Variants in PHYHD1 observed in about 807,000 individuals in gnomAD.
PHYHD1 encodes the protein phytanoyl-CoA dioxygenase domain containing 1.
A neutral mutation model predicts 43.6 loss-of-function variants in PHYHD1; 42 were observed. The ratio of observed to expected loss-of-function variants is 0.96; its 90% CI spans 0.75 to 1.25. PHYHD1 has a LOEUF of 1.25. PHYHD1 is among the 50% of genes most tolerant of loss of function. The pLI, the probability that PHYHD1 is intolerant of heterozygous loss-of-function variation, is 0.00. For synonymous variants in PHYHD1, 139 were observed against 143.6 expected, an observed-to-expected ratio of 0.97 and a Z score of 0.23; for missense variants, 342 against 370.8, an observed-to-expected ratio of 0.92 and a Z score of 0.64.
chr9:128,924,838 G>C (rs2131095388), intron 3 of PHYHD1, among the ~76,000 whole-genome samples: 1 of 152,278 alleles, frequency 6.6e-6, no homozygotes, highest in East Asian at 1.9e-4. Context: ...GGGAGGCTGA[G>C]GCAGGAGAAT....
intron 11 of PHYHD1, among the ~76,000 whole-genome samples, 162 bp from the exon 12 acceptor site, chr9:128,941,283 T>G (rs1455449758): frequency 6.6e-6 from 1 of 152,136 alleles, no homozygotes; most frequent in Non-Finnish European, 1.5e-5. Context: ...GCTTAGCTTT[T>G]GTCCCTGAGG....
At chr9:128,933,149 AC>A in intron 4 of PHYHD1, among the ~76,000 whole-genome samples, 1 of 118,062 alleles carries the variant, frequency 8.5e-6, no homozygotes, top group South Asian at 2.6e-4. Context: ...CTGCACCCAG[AC>A]TTTTTTTTTT....
intron 4 of PHYHD1, among the ~76,000 whole-genome samples, chr9:128,930,942 C>CT (rs1251019776): frequency 7.0e-6 from 1 of 142,462 alleles, no homozygotes; most frequent in Non-Finnish European, 1.5e-5. Context: ...GAGCGAGACT[C>CT]TGTCTCAAAA....
intron 4 of PHYHD1, among the ~76,000 whole-genome samples, chr9:128,929,894 G>A (rs12350278): frequency 0.017 from 2,577 of 151,800 alleles, 76 homozygotes; most frequent in African/African-American, 0.058. Flanking sequence ...CAAGGCCAAG[G>A]CAGTGGACAA....
intron 3 of PHYHD1, among the ~76,000 whole-genome samples, chr9:128,924,153 A>G (rs2131094300): frequency 6.6e-6 from 1 of 152,226 alleles, no homozygotes; most frequent in Admixed American, 6.6e-5. Flanking sequence ...GCAGTGGCTC[A>G]TGCCTGTAAT....
intron 4 of PHYHD1, among the ~76,000 whole-genome samples, chr9:128,930,513 A>C (rs1841243572): frequency 6.6e-6 from 1 of 151,332 alleles, no homozygotes; most frequent in Non-Finnish European, 1.5e-5. Context: ...TGGGAGGCTG[A>C]GGTGGGCAGA....
Position 128,933,808 on chromosome 9 carries a change from T to A in PHYHD1, c.219T>A (p.Ser73Arg). The change falls in exon 5 of 13, where the codon AGT becomes AGA. Residue 73 changes from serine to arginine, a missense_variant. Ser to Arg is a moderately radical substitution (Grantham distance 110). Coordinates refer to ENST00000372592, the MANE Select transcript of PHYHD1 (RefSeq NM_001100876.2). ...GCAGCACAGACTATTTCTTGAGCAG[T>A]GGTGACAAGATTCGATTCTTCTTTG... ...AQGSTDYFLS[S>R]GDKIRFFFEK... 2 of 1,614,166 alleles carry A rather than the reference T, an allele frequency of 1.2e-6. No homozygotes were observed. Among genetic ancestry groups the A allele is most frequent in the Non-Finnish European group, 1.7e-6 (2 of 1,180,006 alleles).
In PHYHD1 at chr9:128,940,631, G is replaced by C; in HGVS notation, c.619G>C (p.Val207Leu). The C allele has an allele frequency of 6.2e-7, 1 of 1,614,198 alleles. No homozygotes were observed. Among genetic ancestry groups the C allele is most frequent in the Non-Finnish European group, 8.5e-7 (1 of 1,180,030 alleles). Residue 207 changes from valine to leucine, a missense_variant, in exon 11 of 13, where the codon GTT becomes CTT. Coordinates refer to ENST00000372592, the MANE Select transcript of PHYHD1 (RefSeq NM_001100876.2). The stretch of plus-strand genomic sequence containing the variant: ...GTCAAGAAGGATGGTCCGGGCCCCT[G>C]TTGGCTCAGCGCCTGGTACCAGCTT... ...GVSRRMVRAP[V>L]GSAPGTSFLG... is the part of the protein sequence containing the mutation.
Position 128,921,088 on chromosome 9 carries a change from A to C in PHYHD1, c.-740A>C, listed in dbSNP as rs1564536692. ...AAGCTGAGAAGGGTGGTGGTGTGCA[A>C]GTGTTATTCTCTCTTTTTGTTTTTG... On this transcript the variant is annotated 5_prime_UTR_variant, in exon 1 of 13. Transcript: ENST00000372592. 1 of 152,124 alleles carries C rather than the reference A, an allele frequency of 6.6e-6. No individual in the cohort carries two copies. The highest frequency in any genetic ancestry group is 1.9e-4 in the East Asian group (1 of 5,170). The allele number at this position is 152,124 out of a possible 1,614,324, so 9.4% of individuals were successfully genotyped here. A position where few individuals can be genotyped will look rare whatever the true frequency, so the allele number is the denominator to read the frequency against.
chr9:128,924,372 C>A (rs1281227970), intron 3 of PHYHD1, among the ~76,000 whole-genome samples: 1 of 152,118 alleles, frequency 6.6e-6, no homozygotes, highest in Non-Finnish European at 1.5e-5. Flanking sequence ...GAGCTGAGAT[C>A]GCGCCACTGC....
rs762406223 is a variant in PHYHD1, at chr9:128,941,452, G to A, written c.711G>A (p.Leu237=). 12 of 1,613,314 alleles carry A rather than the reference G, an allele frequency of 7.4e-6. No individual in the cohort carries two copies. Among genetic ancestry groups the A allele is most frequent in the South Asian group, 5.5e-5 (5 of 91,066 alleles). The change falls in exon 12 of 13, where the codon CTG becomes CTA. Residue 237 remains leucine, a synonymous_variant. Coordinates refer to ENST00000372592, the MANE Select transcript of PHYHD1 (RefSeq NM_001100876.2). ...TGCTTGTGTCTCTGCCAGGGGCCCTGGTCCTCATCCATGGAGAAGTGGTAC... is the reference window on the plus strand; with the variant it reads ...TGCTTGTGTCTCTGCCAGGGGCCCTAGTCCTCATCCATGGAGAAGTGGTAC... The part of the protein sequence containing the change: ...FVPTPVQRGA[L]VLIHGEVVHK...
chr9:128,935,459 C>T (rs1841399917), intron 6 of PHYHD1, among the ~76,000 whole-genome samples: 1 of 147,238 alleles, frequency 6.8e-6, no homozygotes, highest in Admixed American at 7.0e-5. Flanking sequence ...CCTGTCTCTA[C>T]TAAAAACACA....
At chr9:128,926,392 C>T (rs573712312) in intron 3 of PHYHD1, among the ~76,000 whole-genome samples, 9 of 151,052 alleles carry the variant, frequency 6.0e-5, no homozygotes, top group Non-Finnish European at 1.3e-4. Flanking sequence ...TGGGATTACA[C>T]AGGCATGCGC....
At chr9:128,933,150 CTT>C (rs751550740) in intron 4 of PHYHD1, among the ~76,000 whole-genome samples, 5 of 104,202 alleles carry the variant, frequency 4.8e-5, no homozygotes, top group South Asian at 3.0e-4. Flanking sequence ...TGCACCCAGA[CTT>C]TTTTTTTTTT....
At chr9:128,940,912 G>A (rs1841543884) in intron 11 of PHYHD1, among the ~76,000 whole-genome samples, 197 bp downstream of exon 11, 2 of 152,138 alleles carry the variant, frequency 1.3e-5, no homozygotes, top group African/African-American at 4.8e-5. Context: ...GATCACCCTG[G>A]AATCCACACT....
rs1386350097 is a variant in PHYHD1 at position 128,936,615 on chromosome 9, C to T, written c.405C>T (p.Pro135=). 4.2e-5 allele frequency: 66 copies of T among 1,561,016 alleles called. No individual in the cohort carries two copies. The highest frequency in any genetic ancestry group is 5.8e-5 in the Admixed American group (3 of 51,952). Residue 135 remains proline (P), a synonymous_variant, in exon 8 of 13, where the codon CCC becomes CCT. Transcript: ENST00000372592. The part of the protein sequence containing the change: ...TLARSLGLQM[P]VVVQSMYIFK... Reference sequence around the variant, plus strand: ...CCAGAAGTCTGGGCCTCCAGATGCCCGTGGTGGTGCAGAGCATGTACATCT... The same window carrying T: ...CCAGAAGTCTGGGCCTCCAGATGCCTGTGGTGGTGCAGAGCATGTACATCT...
At chr9:128,940,758 T>C (rs781336920) in intron 11 of PHYHD1, 43 bp downstream of exon 11, 1 of 1,596,030 alleles carries the variant, frequency 6.3e-7, no homozygotes, top group South Asian at 1.1e-5. Flanking sequence ...GCTGAGTCCA[T>C]CAGTCTGTGC....
intron 3 of PHYHD1, among the ~76,000 whole-genome samples, chr9:128,923,934 A>G (rs931641368): frequency 2.0e-5 from 3 of 152,078 alleles, no homozygotes; most frequent in Non-Finnish European, 4.4e-5. Context: ...CCTGGCCAAC[A>G]TGGCGGAACC....
At chr9:128,932,318 A>G (rs1484369240) in intron 4 of PHYHD1, among the ~76,000 whole-genome samples, 3 of 151,458 alleles carry the variant, frequency 2.0e-5, no homozygotes, top group Non-Finnish European at 4.4e-5. Flanking sequence ...AGTTGGGATT[A>G]CAACAGGTGC....
Sources: gnomAD v4.1 joint callset for allele counts (sites outside exome capture counted in the v4.1 genomes callset) on GRCh38, gnomAD v4.1.1 for gene constraint, MANE v1.5 for transcripts, NCBI Gene and HGNC (gene_info 2026-07-23, HGNC 2026-07-21) for gene names.